SPNS3: variants seen among roughly 807,000 people sequenced by gnomAD.
SPNS3 encodes the protein protein spinster homolog 3.
A neutral mutation model predicts 54.4 loss-of-function variants in SPNS3; 51 were observed. The observed-to-expected ratio is 0.94, with a 90% CI of 0.75 to 1.18. The LOEUF is 1.18. Ranked by LOEUF, SPNS3 falls within the 50% of genes most tolerant of loss-of-function variation. The pLI is 0.00. For missense variants in SPNS3, 669 were observed against 677.4 expected (o/e 0.99, Z 0.14); for synonymous variants, 309 against 294.7 (o/e 1.05, Z -0.50).
chr17:4,456,519 A>T (rs1427571816), intron 8 of SPNS3, among the ~76,000 whole-genome samples: 1 of 151,774 alleles, frequency 6.6e-6, no homozygotes, highest in East Asian at 1.9e-4. Flanking sequence ...TTTTCTTTTC[A>T]TATTTTATTT....
rs185814014 is a variant in SPNS3, at chr17:4,443,216, G to A, written c.266-1816G>A. Among the ~76,000 whole-genome samples the A allele has an allele frequency of 2.0e-3, 308 of 152,074 alleles. 2 individuals carry two copies. Among genetic ancestry groups the A allele is most frequent in the Middle Eastern group, 3.4e-3 (1 of 294 alleles). ...CTCCCCAGTAGCTGGGATTACAGGC[G>A]CCCGCCACCATGCTCAGCTAACTTC... On this transcript the variant is annotated intron_variant, in intron 2 of 11. Transcript: ENST00000355530.
At chr17:4,455,863 G>C (rs1971297618) in intron 8 of SPNS3, among the ~76,000 whole-genome samples, 1 of 152,176 alleles carries the variant, frequency 6.6e-6, no homozygotes, top group Non-Finnish European at 1.5e-5. Flanking sequence ...CATTTAGCCA[G>C]CGTCCAGTCA....
intron 8 of SPNS3, among the ~76,000 whole-genome samples, chr17:4,470,000 T>C (rs924217084): frequency 6.6e-6 from 1 of 152,248 alleles, no homozygotes; most frequent in Non-Finnish European, 1.5e-5. Context: ...CTATATTTGT[T>C]ATTTAATTAG....
In SPNS3 at chr17:4,441,074, T is replaced by C. The variant is rs146844813; in HGVS notation, c.265+1351T>C. 9.6e-3 allele frequency among the ~76,000 whole-genome samples: 1,468 copies of C among 152,304 alleles called. 12 individuals are homozygous for C. The highest frequency in any genetic ancestry group is 0.014 in the Non-Finnish European group (942 of 68,022). On this transcript the variant is annotated intron_variant, in intron 2 of 11. Transcript: ENST00000355530. ...CCCATAAACTGAATAAACTCAACCC[T>C]GTAGCTCCAAGAGTTTGGATGAAAA...
At chr17:4,482,565 G>C (rs1972193343) in intron 9 of SPNS3, 1 of 151,978 alleles carries the variant, frequency 6.6e-6, no homozygotes, top group African/African-American at 2.4e-5. Flanking sequence ...CATACCTCGG[G>C]CAGCCCCTGC....
chr17:4,436,146 C>T (rs1038915684), intron 1 of SPNS3, among the ~76,000 whole-genome samples: 1 of 152,100 alleles, frequency 6.6e-6, no homozygotes, highest in Non-Finnish European at 1.5e-5. Flanking sequence ...GGCAGTCCTG[C>T]GAGGCGGAGA....
At chr17:4,441,267 A>G (rs553205518) in intron 2 of SPNS3, among the ~76,000 whole-genome samples, 1 of 152,342 alleles carries the variant, frequency 6.6e-6, no homozygotes, top group South Asian at 2.1e-4. Flanking sequence ...TCACGCCTGT[A>G]ATCCCAGCTC....
At chr17:4,474,612 C>A (rs1164035854) in intron 8 of SPNS3, among the ~76,000 whole-genome samples, 2 of 152,214 alleles carry the variant, frequency 1.3e-5, no homozygotes, top group Admixed American at 6.5e-5. Flanking sequence ...CTCCTGCTGA[C>A]CTGTGCGTGC....
intron 11 of SPNS3, among the ~76,000 whole-genome samples, chr17:4,487,036 G>A (rs1972339156): frequency 6.6e-6 from 1 of 152,038 alleles, no homozygotes; most frequent in Non-Finnish European, 1.5e-5. Context: ...GCCAGGTGCG[G>A]TGGCACACAC....
chr17:4,454,079 T>C (rs1971240266), intron 8 of SPNS3, among the ~76,000 whole-genome samples: 1 of 152,198 alleles, frequency 6.6e-6, no homozygotes, highest in Non-Finnish European at 1.5e-5. Flanking sequence ...CAAAGTCCGC[T>C]TCCTCCAAAA....
intron 2 of SPNS3, among the ~76,000 whole-genome samples, chr17:4,443,301 C>T (rs527903649): frequency 5.5e-4 from 84 of 152,258 alleles, no homozygotes; most frequent in African/African-American, 2.0e-3. Context: ...GAACTCCTGA[C>T]CTCGGGTGAT....
chr17:4,447,082 G>A (rs1344505996), intron 5 of SPNS3, 120 bp downstream of exon 5: 28 of 1,014,078 alleles, frequency 2.8e-5, no homozygotes, highest in Non-Finnish European at 4.2e-5. Flanking sequence ...ACGGGGGGTG[G>A]TGGTCAGGCA....
chr17:4,471,065 T>C (rs1456287995), intron 8 of SPNS3, among the ~76,000 whole-genome samples: 1 of 152,120 alleles, frequency 6.6e-6, no homozygotes, highest in East Asian at 1.9e-4. Context: ...GCTGGGATTA[T>C]AGGCATGCGA....
chr17:4,440,942 T>C (rs1007603836), intron 2 of SPNS3, among the ~76,000 whole-genome samples: 1 of 152,184 alleles, frequency 6.6e-6, no homozygotes. Flanking sequence ...CACATTTCTT[T>C]CAATGAAAGA....
intron 8 of SPNS3, among the ~76,000 whole-genome samples, chr17:4,471,299 A>T (rs1462277333): frequency 6.6e-6 from 1 of 152,172 alleles, no homozygotes; most frequent in African/African-American, 2.4e-5. Flanking sequence ...AATGTTTGTT[A>T]TCAGTCTGTT....
Position 4,486,158 on chromosome 17 carries a change from G to A in SPNS3, c.1180-70G>A. 1 of 1,386,498 alleles carries A rather than the reference G, an allele frequency of 7.2e-7. No individual in the cohort carries two copies. The highest frequency in any genetic ancestry group is 9.6e-7 in the Non-Finnish European group (1 of 1,046,786). The allele number at this position is 1,386,498 out of a possible 1,614,324, so 85.9% of individuals were successfully genotyped here. On this transcript the variant is annotated intron_variant, in intron 9 of 11. Coordinates refer to ENST00000355530, the MANE Select transcript of SPNS3 (RefSeq NM_182538.5). This position sits in a 1 kb window ranked among gnomAD's most constrained non-coding sequence, Gnocchi z 5.5. ...CTGTCACTCCTCCAGGCAGGTCCTT[G>A]GCAGGTGGGGAACAGCAGGCAAGGG... is the stretch of plus-strand genomic sequence containing the variant.
In SPNS3 at chr17:4,433,982, G is replaced by A. The variant is rs368843448; in HGVS notation, c.15G>A (p.Met5Ile). The A allele has an allele frequency of 1.5e-5, 23 of 1,550,348 alleles. No individual in the cohort carries two copies. The highest frequency in any genetic ancestry group is 1.9e-5 in the Non-Finnish European group (22 of 1,147,576). ...TGCAGGCTGGCATGGCTGGGGGGAT[G>A]TCAGCGGAGTGCCCTGAGCCTGGGC... MAGG[M>I]SAECPEPGPG... The change falls in exon 1 of 12, where the codon ATG becomes ATA. Residue 5 changes from methionine to isoleucine, a missense_variant. Coordinates refer to ENST00000355530, the MANE Select transcript of SPNS3 (RefSeq NM_182538.5).
chr17:4,449,979 G>A (rs1172323531), intron 7 of SPNS3, among the ~76,000 whole-genome samples: 1 of 152,056 alleles, frequency 6.6e-6, no homozygotes, highest in Non-Finnish European at 1.5e-5. Context: ...GAGCTCCAGT[G>A]ACCACTTGAT....
At chr17:4,466,674 T>A (rs895654555) in intron 8 of SPNS3, among the ~76,000 whole-genome samples, 2 of 151,512 alleles carry the variant, frequency 1.3e-5, no homozygotes, top group African/African-American at 4.9e-5. Flanking sequence ...AAACCCTGCC[T>A]CTACTAAACA....
Sources: gnomAD v4.1 joint callset for allele counts (sites outside exome capture counted in the v4.1 genomes callset) on GRCh38, gnomAD v4.1.1 for gene constraint, Gnocchi (gnomAD v3.1) non-coding constraint, MANE v1.5 for transcripts, NCBI Gene and HGNC (gene_info 2026-07-23, HGNC 2026-07-21) for gene names.